NLRP1: variants seen among roughly 807,000 people sequenced by gnomAD.
The protein encoded by NLRP1 is NLR family pyrin domain containing 1, also known as NACHT, LRR and PYD domains-containing protein 1.
In NLRP1, 94 loss-of-function variants were observed where a neutral mutation model predicts 136.7. The observed-to-expected ratio is 0.69, with a 90% CI of 0.58 to 0.82. NLRP1 has a LOEUF of 0.82. Among genes scored for constraint, NLRP1 ranks in the 40% least tolerant of loss-of-function variants. NLRP1 has a pLI of 0.00. For missense variants in NLRP1, 1,575 were observed against 1,802.7 expected, an observed-to-expected ratio of 0.87 and a Z score of 2.29; for synonymous variants, 690 against 725.1, an observed-to-expected ratio of 0.95 and a Z score of 0.78.
intron 3 of NLRP1, among the ~76,000 whole-genome samples, chr17:5,576,315 C>CAA (rs549105066): frequency 6.6e-6 from 1 of 151,954 alleles, no homozygotes. Flanking sequence ...AAAAACCTTT[C>CAA]AAAAAATCAA....
chr17:5,533,640 G>A (rs1325503112), intron 9 of NLRP1, among the ~76,000 whole-genome samples: 5 of 150,170 alleles, frequency 3.3e-5, no homozygotes, highest in African/African-American at 4.9e-5. Context: ...GGAAGAGGCC[G>A]GACCCCGGTT....
chr17:5,507,584 G>A (rs1331472099), intron 15 of NLRP1, among the ~76,000 whole-genome samples: 1 of 151,954 alleles, frequency 6.6e-6, no homozygotes, highest in Non-Finnish European at 1.5e-5. Flanking sequence ...AATCCCACTG[G>A]GAGGCCGAGG....
At chr17:5,576,641 A>C (rs1905043244) in intron 3 of NLRP1, among the ~76,000 whole-genome samples, 1 of 150,996 alleles carries the variant, frequency 6.6e-6, no homozygotes, top group South Asian at 2.1e-4. Flanking sequence ...TTAATAGCCT[A>C]CCAATCCAGA....
At chr17:5,512,082 T>G (rs1033964262), downstream of NLRP1, 29 of 722,272 alleles carry the variant, frequency 4.0e-5, no homozygotes, top group African/African-American at 4.7e-4. Context: ...TGGGTTTTTG[T>G]GGTTTTGGTG....
chr17:5,582,183 C>G (rs1905738985), intron 2 of NLRP1, 121 bp from the exon 3 acceptor site: 1 of 853,872 alleles, frequency 1.2e-6, no homozygotes, highest in Non-Finnish European at 1.8e-6. Context: ...TTTTGAAAAC[C>G]ATGTTGAAGT....
At chr17:5,518,889 A>G (rs1179498144) in intron 14 of NLRP1, among the ~76,000 whole-genome samples, 1 of 144,616 alleles carries the variant, frequency 6.9e-6, no homozygotes, top group East Asian at 2.1e-4. Flanking sequence ...ACCAGGTTGG[A>G]GTGCAGTGGC....
intron 5 of NLRP1, among the ~76,000 whole-genome samples, chr17:5,548,097 C>A (rs1912903458): frequency 6.6e-6 from 1 of 152,158 alleles, no homozygotes; most frequent in Non-Finnish European, 1.5e-5. Context: ...TGAATCATGA[C>A]CACGACCCTC....
intron 12 of NLRP1, among the ~76,000 whole-genome samples, chr17:5,526,530 A>C (rs950814603): frequency 1.3e-5 from 2 of 152,102 alleles, no homozygotes; most frequent in African/African-American, 4.8e-5. Context: ...AGAGAGGAGC[A>C]AGTGTGACAA....
chr17:5,506,219 G>A (rs755860062), intron 15 of NLRP1, among the ~76,000 whole-genome samples: 2 of 151,590 alleles, frequency 1.3e-5, no homozygotes, highest in African/African-American at 4.8e-5. Flanking sequence ...AAGAGGTGGA[G>A]GTTGCAGTGA....
At chr17:5,539,709 A>G (rs573796895) in intron 6 of NLRP1, 124 bp from the exon 7 acceptor site, 1 of 1,411,014 alleles carries the variant, frequency 7.1e-7, no homozygotes, top group East Asian at 2.7e-5. Flanking sequence ...ACATGCAGAG[A>G]AGATACAAAC....
rs569276349 is a variant in NLRP1 at position 5,537,880 on chromosome 17, A to G, written c.2871-940T>C. 3.4e-4 allele frequency among the ~76,000 whole-genome samples: 52 copies of G among 152,342 alleles called. No individual in the cohort carries two copies. The highest frequency in any genetic ancestry group is 1.5e-5 in the Non-Finnish European group (1 of 68,030). On this transcript the variant is annotated intron_variant, in intron 7 of 16. Coordinates refer to ENST00000572272, the MANE Select transcript of NLRP1 (RefSeq NM_033004.4). This position sits in a 1 kb window ranked among gnomAD's most constrained non-coding sequence, Gnocchi z 4.5. ...AAGCTCTGGGGAAAGGCTCTTCAGC[A>G]TAAGGGAGGTAGTGATAGCCAAAAA...
At position 5,532,864 on chromosome 17, in the gene NLRP1, G is replaced by A; in HGVS notation, c.3254C>T (p.Pro1085Leu). ...TTTGTCAACTACCTCAGTAGCCACA[G>A]GCCCCGTGGGGCCCCAGAAGTCATC... ...TDDDFWGPTGPVATEVVDKEK... is the reference protein window; with the variant it reads ...TDDDFWGPTGLVATEVVDKEK... Residue 1085 changes from proline (P) to leucine (L), a missense_variant, in exon 11 of 17, where the codon CCT becomes CTT. By Grantham distance (98) the Pro-to-Leu change is moderately conservative. Transcript: ENST00000572272. The A allele has an allele frequency of 6.2e-7, 1 of 1,612,084 alleles. No individual in the cohort carries two copies. The highest frequency in any genetic ancestry group is 8.5e-7 in the Non-Finnish European group (1 of 1,179,174).
intron 15 of NLRP1, among the ~76,000 whole-genome samples, chr17:5,517,355 C>CA (rs1445118814): frequency 1.2e-5 from 1 of 83,930 alleles, no homozygotes; most frequent in Non-Finnish European, 2.8e-5. Flanking sequence ...TCTGCACCCC[C>CA]CCCCCTCCCA....
At position 5,558,068 on chromosome 17, in the gene NLRP1, T is replaced by C. The variant is rs565967819; in HGVS notation, c.2357+271A>G. On this transcript the variant is annotated intron_variant, in intron 4 of 16. Coordinates refer to ENST00000572272, the MANE Select transcript of NLRP1 (RefSeq NM_033004.4). ...GTCCAGGAGAGAAGATGGACGGTCA[T>C]TCTAAGGGTAGGAGGAGAGGTGGCA... Among the ~76,000 whole-genome samples, 33 of 152,084 alleles carry C rather than the reference T, an allele frequency of 2.2e-4. 1 individual carries two copies. The South Asian group carries it at 6.9e-3, about 32-fold the overall frequency.
chr17:5,582,969 G>T, intron 1 of NLRP1, 123 bp from the exon 2 acceptor site: 1 of 721,728 alleles, frequency 1.4e-6, no homozygotes, highest in Non-Finnish European at 2.3e-6. Flanking sequence ...ACCCGCTGCA[G>T]CCCTCTACAA....
intron 3 of NLRP1, among the ~76,000 whole-genome samples, chr17:5,563,093 A>G (rs879862507): frequency 3.9e-5 from 6 of 152,154 alleles, no homozygotes; most frequent in Non-Finnish European, 7.4e-5. Flanking sequence ...GGCTTCAAAC[A>G]AGATAAAAAC....
chr17:5,548,993 G>A, intron 5 of NLRP1, among the ~76,000 whole-genome samples: 1 of 152,146 alleles, frequency 6.6e-6, no homozygotes, highest in East Asian at 1.9e-4. Flanking sequence ...ATGGCAGCTG[G>A]GATTCTGCTA....
At chr17:5,565,028 C>T (rs1472145170) in intron 3 of NLRP1, among the ~76,000 whole-genome samples, 1 of 151,930 alleles carries the variant, frequency 6.6e-6, no homozygotes, top group Non-Finnish European at 1.5e-5. Context: ...TGAGCCACTG[C>T]GCCCAGCCAA....
intron 5 of NLRP1, among the ~76,000 whole-genome samples, chr17:5,550,866 CTT>C (rs1262536430): frequency 6.6e-6 from 1 of 152,054 alleles, no homozygotes; most frequent in Non-Finnish European, 1.5e-5. Context: ...CTTCAATAGA[CTT>C]TATTTTTTAG....
Sources: gnomAD v4.1 joint callset for allele counts (sites outside exome capture counted in the v4.1 genomes callset) on GRCh38, gnomAD v4.1.1 for gene constraint, Gnocchi (gnomAD v3.1) non-coding constraint, MANE v1.5 for transcripts, NCBI Gene and HGNC (gene_info 2026-07-23, HGNC 2026-07-21) for gene names.